Variants in SYT7 observed in about 807,000 individuals in gnomAD.
SYT7 encodes synaptotagmin 7, also known as synaptotagmin-7.
Under a neutral mutation model 75.1 loss-of-function variants are expected in SYT7, and 29 were observed. That is an observed-to-expected ratio of 0.39 (90% confidence interval 0.29 to 0.53). SYT7 has a LOEUF of 0.53. SYT7 is among the 20% of genes least tolerant of loss of function. SYT7 has a pLI of 0.77. For missense variants in SYT7, 693 were observed against 953.2 expected (o/e 0.73, Z 3.59); for synonymous variants, 376 against 401.7 (o/e 0.94, Z 0.76).
At chr11:61,577,965 G>A (rs1182459798) in intron 1 of SYT7, among the ~76,000 whole-genome samples, 3 of 152,324 alleles carry the variant, frequency 2.0e-5, no homozygotes, top group Non-Finnish European at 4.4e-5. Flanking sequence ...GGGACAAGCA[G>A]TCCGAGAGAA....
rs1420321661 is a variant in SYT7, at chr11:61,514,389, C to A, written c.*4238G>T. On this transcript the variant is annotated 3_prime_UTR_variant, in exon 13 of 13. Transcript: ENST00000539008. ...ACAGCTTTGGATGGGGTACTTAGTGCAGCTCCGGGAGGCAGCTGCTGGCCC... is the reference window on the plus strand; with the variant it reads ...ACAGCTTTGGATGGGGTACTTAGTGAAGCTCCGGGAGGCAGCTGCTGGCCC... 2.6e-5 allele frequency among the ~76,000 whole-genome samples: 4 copies of A among 152,226 alleles called. No homozygotes were observed. Among genetic ancestry groups the A allele is most frequent in the Non-Finnish European group, 4.4e-5 (3 of 68,040 alleles).
intron 7 of SYT7, chr11:61,533,407 C>T (rs966438022): frequency 1.0e-6 from 1 of 985,412 alleles, no homozygotes. Context: ...CCCAGAAACC[C>T]CCCACCCTCC....
At chr11:61,556,285 C>T (rs904535258) in intron 1 of SYT7, 78 bp from the exon 2 acceptor site, 3 of 1,185,338 alleles carry the variant, frequency 2.5e-6, no homozygotes, top group South Asian at 2.8e-5. Context: ...CCTCCAGAAC[C>T]ACCACCCTAC....
In SYT7 at chr11:61,514,802, G is replaced by A. The variant is rs2062112767; in HGVS notation, c.*3825C>T. 1.3e-5 allele frequency among the ~76,000 whole-genome samples: 2 copies of A among 152,230 alleles called. No individual in the cohort carries two copies. The highest frequency in any genetic ancestry group is 1.3e-4 in the Admixed American group (2 of 15,282). ...AAGAATGAAACTAGAAGAGGGCTGAGAGAAGCCGCAGGTCCAGCCAACAGA... is the reference window on the plus strand; with the variant it reads ...AAGAATGAAACTAGAAGAGGGCTGAAAGAAGCCGCAGGTCCAGCCAACAGA... On this transcript the variant is annotated 3_prime_UTR_variant, in exon 13 of 13. Coordinates refer to ENST00000539008, the MANE Select transcript of SYT7 (RefSeq NM_001365809.2).
At chr11:61,528,567 A>G (rs1362481047) in intron 8 of SYT7, among the ~76,000 whole-genome samples, 1 of 152,068 alleles carries the variant, frequency 6.6e-6, no homozygotes, top group African/African-American at 2.4e-5. Context: ...CCTTCTTGTG[A>G]CACGGTAGGG....
chr11:61,544,692 C>T (rs1216015575), intron 5 of SYT7, among the ~76,000 whole-genome samples: 1 of 152,198 alleles, frequency 6.6e-6, no homozygotes, highest in Non-Finnish European at 1.5e-5. Flanking sequence ...ATTGGTTCCT[C>T]CAGGCCTGGA....
upstream of SYT7, among the ~76,000 whole-genome samples, chr11:61,582,874 G>T (rs546859837): frequency 3.3e-3 from 502 of 152,230 alleles, 1 homozygote; most frequent in Non-Finnish European, 5.3e-3. Context: ...GGACTGCAAG[G>T]TCTGCAACCT....
intron 9 of SYT7, among the ~76,000 whole-genome samples, chr11:61,527,245 T>G (rs767351861): frequency 6.6e-6 from 1 of 151,986 alleles, no homozygotes; most frequent in African/African-American, 2.4e-5. Context: ...ACAGATGGAG[T>G]GTGTTTAACA....
At position 61,524,299 on chromosome 11, in the gene SYT7, G is replaced by C. The variant is rs1590826078; in HGVS notation, c.1641+64C>G. 6 of 1,586,778 alleles carry C rather than the reference G, an allele frequency of 3.8e-6. No homozygotes were observed. In the East Asian group the frequency reaches 1.3e-4, roughly 36 times the overall value. On this transcript the variant is annotated intron_variant, in intron 10 of 12. Coordinates refer to ENST00000539008, the MANE Select transcript of SYT7 (RefSeq NM_001365809.2). This position sits in a 1 kb window ranked among gnomAD's most constrained non-coding sequence, Gnocchi z 4.1. Reference sequence around the variant, plus strand: ...GCCTTCCTAAGGTTGACAAGGGTCTGGGACCAGATCTCCCAGCCCTGCCCT... The same window carrying C: ...GCCTTCCTAAGGTTGACAAGGGTCTCGGACCAGATCTCCCAGCCCTGCCCT...
upstream of SYT7, chr11:61,581,086 CGTGT>C (rs1424096727): frequency 9.1e-6 from 3 of 329,596 alleles, no homozygotes; most frequent in Non-Finnish European, 1.3e-5. Context: ...CGCGCCGGAG[CGTGT>C]GTGTGTGTAC....
Position 61,542,284 on chromosome 11 carries a change from G to T in SYT7, c.868C>A (p.Arg290Ser). 2 of 1,534,992 alleles carry T rather than the reference G, an allele frequency of 1.3e-6. No individual in the cohort carries two copies. The highest frequency in any genetic ancestry group is 1.7e-6 in the Non-Finnish European group (2 of 1,146,342). Reference sequence around the variant, plus strand: ...TGGTCCCAGCTGCCTGGGTTGGAGCGGCTGCGGCCCCCTGCCGCCCGGTAC... The same window carrying T: ...TGGTCCCAGCTGCCTGGGTTGGAGCTGCTGCGGCCCCCTGCCGCCCGGTAC... The part of the protein sequence containing the change: ...SKYRAAGGRS[R>S]SNPGSWDHVV... The change falls in exon 6 of 13, where the codon CGC becomes AGC. Residue 290 changes from arginine to serine, a missense_variant. Physicochemically the swap from Arg to Ser is moderately radical, Grantham distance 110. Around this residue, in one of 2 missense-constraint regions of SYT7, gnomAD observed 487 missense variants for 593.2 expected, o/e 0.82. Transcript: ENST00000539008. The surrounding 1 kb of genome is among the most constrained non-coding windows in gnomAD (Gnocchi z 7.8).
chr11:61,535,863 G>A (rs1485890222), intron 7 of SYT7, among the ~76,000 whole-genome samples: 1 of 152,172 alleles, frequency 6.6e-6, no homozygotes. Context: ...GGGGCTGGGG[G>A]CAGAAGGGCA....
chr11:61,581,304 G>T (rs1490727724), upstream of SYT7, among the ~76,000 whole-genome samples: 1 of 149,186 alleles, frequency 6.7e-6, no homozygotes, highest in East Asian at 1.9e-4. Flanking sequence ...CCGCCTCGCA[G>T]TCCCCGCGGG....
intron 1 of SYT7, among the ~76,000 whole-genome samples, chr11:61,566,021 T>C (rs979534105): frequency 2.0e-5 from 3 of 152,312 alleles, no homozygotes; most frequent in Middle Eastern, 3.4e-3. Context: ...CGGCAAGAAA[T>C]TGGACAGGGA....
At chr11:61,562,048 GCACACA>G (rs68109297) in intron 1 of SYT7, among the ~76,000 whole-genome samples, 220 of 149,334 alleles carry the variant, frequency 1.5e-3, no homozygotes, top group African/African-American at 5.2e-3. Context: ...ACACACATAT[GCACACA>G]CACACACACA....
chr11:61,563,340 T>C (rs1293068931), intron 1 of SYT7, among the ~76,000 whole-genome samples: 4 of 152,184 alleles, frequency 2.6e-5, no homozygotes, highest in Admixed American at 2.0e-4. Context: ...CTGAACACTT[T>C]ACCTTCAAAT....
rs2063401754 is a variant in SYT7 at position 61,553,200 on chromosome 11, C to CA, written c.136-1738dup. Among the ~76,000 whole-genome samples, 1 of 152,244 alleles carries CA rather than the reference C, an allele frequency of 6.6e-6. No individual in the cohort carries two copies. Among genetic ancestry groups the CA allele is most frequent in the African/African-American group, 2.4e-5 (1 of 41,474 alleles). On this transcript the variant is annotated intron_variant, in intron 2 of 12. Transcript: ENST00000539008. This position sits in a 1 kb window ranked among gnomAD's most constrained non-coding sequence, Gnocchi z 5.2. ...CATCACTACCCAGAGGTCCAAATCT[C>CA]AAACAATTCCCAGTTCCAACTGGGA... is the stretch of plus-strand genomic sequence containing the variant.
At chr11:61,575,443 C>G (rs1379757707) in intron 1 of SYT7, among the ~76,000 whole-genome samples, 3 of 152,224 alleles carry the variant, frequency 2.0e-5, no homozygotes, top group South Asian at 2.1e-4. Context: ...GTCACAAACA[C>G]ACAGGCGAGA....
At position 61,525,499 on chromosome 11, in the gene SYT7, C is replaced by A. The variant is rs186911975; in HGVS notation, c.1472-967G>T. Among the ~76,000 whole-genome samples, 15 of 152,316 alleles carry A rather than the reference C, an allele frequency of 9.8e-5. No individual in the cohort carries two copies. The East Asian group carries it at 2.7e-3, about 27-fold the overall frequency. On this transcript the variant is annotated intron_variant, in intron 9 of 12. Transcript: ENST00000539008. ...GCACACTGGCCCCATCATGACCCCC[C>A]TCCTGGCTACTCTCATCCTTCAGGT... is the stretch of plus-strand genomic sequence containing the variant.
Sources: allele counts gnomAD v4.1 joint callset (sites outside exome capture counted in the v4.1 genomes callset), GRCh38; gene constraint gnomAD v4.1.1; regional missense constraint gnomAD v4.1.1; non-coding constraint Gnocchi (gnomAD v3.1); transcripts MANE v1.5; gene names NCBI Gene and HGNC (gene_info 2026-07-23, HGNC 2026-07-21).